PCDH15: variants seen among roughly 807,000 people sequenced by gnomAD.
PCDH15 encodes the protein protocadherin-15.
PCDH15 carries 129 observed loss-of-function variants against 178.5 expected under a neutral mutation model. That is an observed-to-expected ratio of 0.72 (90% CI 0.63 to 0.84). The LOEUF is 0.84. PCDH15 is among the 40% of genes least tolerant of loss of function. The pLI, the probability that PCDH15 is intolerant of heterozygous loss-of-function variation, is 0.00. For missense variants in PCDH15, 2,230 were observed against 2,099.9 expected (o/e 1.06, Z -1.21); for synonymous variants, 800 against 732.0 (o/e 1.09, Z -1.50).
At chr10:54,594,806 G>A (rs2092117890) in intron 2 of PCDH15, among the ~76,000 whole-genome samples, 1 of 152,044 alleles carries the variant, frequency 6.6e-6, no homozygotes, top group Admixed American at 6.6e-5. Context: ...CATTTTTGTT[G>A]GAGCATTGGA....
chr10:54,675,448 C>G (rs1037104428), intron 1 of PCDH15, among the ~76,000 whole-genome samples: 47 of 145,760 alleles, frequency 3.2e-4, no homozygotes, highest in African/African-American at 1.2e-3. Context: ...AATTCTAAGG[C>G]CTTTTCATGT....
At chr10:54,936,096 T>C (rs550029994) in intron 2 of PCDH15, among the ~76,000 whole-genome samples, 6 of 152,084 alleles carry the variant, frequency 3.9e-5, no homozygotes, top group Non-Finnish European at 7.4e-5. Context: ...TGGGTCTCTA[T>C]AGATTTGAAG....
At chr10:54,290,786 G>T (rs1591616135) in intron 8 of PCDH15, among the ~76,000 whole-genome samples, 1 of 152,044 alleles carries the variant, frequency 6.6e-6, no homozygotes, top group South Asian at 2.1e-4. Context: ...ACAAAGATCA[G>T]AAGAGACAAA....
At chr10:54,307,098 G>A (rs2060575328) in intron 8 of PCDH15, among the ~76,000 whole-genome samples, 3 of 13,578 alleles carry the variant, frequency 2.2e-4, no homozygotes, top group African/African-American at 1.1e-3. Context: ...ATATATGTGT[G>A]TGTGTGTATA....
In PCDH15 at chr10:53,822,051, A is replaced by T. The variant is rs2132483165; in HGVS notation, c.4368-1821T>A. The T allele has an allele frequency of 1.9e-6, 3 of 1,614,044 alleles. No homozygotes were observed. The highest frequency in any genetic ancestry group is 2.5e-6 in the Non-Finnish European group (3 of 1,179,938). On this transcript the variant is annotated intron_variant, in intron 32 of 37. Transcript: ENST00000644397. ...GTACATGTTAGCTACTGATTTTTCA[A>T]GTTCTGCTAAGTTTTTAACGTGTCT...
chr10:54,062,249 A>AAAAAAAAAAAAAAAAAAAAAT (rs1565159027), intron 18 of PCDH15, among the ~76,000 whole-genome samples: 1 of 116,372 alleles, frequency 8.6e-6, no homozygotes, highest in African/African-American at 3.8e-5. Flanking sequence ...AAAAAAAAAA[A>AAAAAAAAAAAAAAAAAAAAAT]AAACAAAAAA....
intron 1 of PCDH15, among the ~76,000 whole-genome samples, chr10:55,196,780 C>T (rs1453498277): frequency 1.3e-5 from 2 of 151,702 alleles, no homozygotes; most frequent in African/African-American, 4.8e-5. Flanking sequence ...TTTGTCTTTC[C>T]AAAACACATT....
intron 18 of PCDH15, among the ~76,000 whole-genome samples, chr10:54,036,748 TTATTA>T (rs1293891364): frequency 1.3e-5 from 2 of 151,946 alleles, no homozygotes; most frequent in Non-Finnish European, 1.5e-5. Context: ...GGTTTTCATC[TTATTA>T]TATAAGAAAT....
intron 3 of PCDH15, among the ~76,000 whole-genome samples, chr10:54,413,537 A>G (rs566059180): frequency 1.3e-5 from 2 of 152,306 alleles, no homozygotes; most frequent in Admixed American, 1.3e-4. Flanking sequence ...AAATATGATA[A>G]AAAGTAAGAG....
At chr10:53,943,533 T>C (rs1402850954) in intron 23 of PCDH15, among the ~76,000 whole-genome samples, 1 of 152,010 alleles carries the variant, frequency 6.6e-6, no homozygotes, top group African/African-American at 2.4e-5. Flanking sequence ...AAAAATGCTA[T>C]GTCTTCTTTC....
chr10:55,589,087 A>AAAT (rs1842784700), intron 2 of PCDH15, among the ~76,000 whole-genome samples: 1 of 151,322 alleles, frequency 6.6e-6, no homozygotes, highest in Non-Finnish European at 1.5e-5. Flanking sequence ...GTGTCAAAAA[A>AAAT]AAAAAAAAAA....
At chr10:54,896,441 C>T (rs1222944556) in intron 3 of PCDH15, among the ~76,000 whole-genome samples, 1 of 151,638 alleles carries the variant, frequency 6.6e-6, no homozygotes, top group African/African-American at 2.4e-5. Flanking sequence ...GAAAACATGA[C>T]TGAAATAAGG....
chr10:54,083,331 T>C (rs1590309477), intron 16 of PCDH15, among the ~76,000 whole-genome samples: 1 of 152,186 alleles, frequency 6.6e-6, no homozygotes, highest in Non-Finnish European at 1.5e-5. Flanking sequence ...ACATATATGT[T>C]CACAGCAGCG....
intron 21 of PCDH15, among the ~76,000 whole-genome samples, chr10:53,990,318 T>C (rs967402672): frequency 3.9e-5 from 6 of 151,972 alleles, no homozygotes; most frequent in African/African-American, 4.8e-5. Flanking sequence ...GTTGTAATGA[T>C]TTTCTCTTTA....
Position 53,802,964 on chromosome 10 carries a change from C to G in PCDH15, c.*3615G>C, listed in dbSNP as rs1840958070. Reference sequence around the variant, plus strand: ...AACTATAGACAATGTTCGAATCTTCCATACATGTGCTTAACTGACCATAAA... The same window carrying G: ...AACTATAGACAATGTTCGAATCTTCGATACATGTGCTTAACTGACCATAAA... On this transcript the variant is annotated 3_prime_UTR_variant, in exon 38 of 38. Transcript: ENST00000644397. 1 of 151,674 alleles carries G rather than the reference C, an allele frequency of 6.6e-6. No individual in the cohort carries two copies. The highest frequency in any genetic ancestry group is 2.4e-5 in the African/African-American group (1 of 41,352). 9.4% of individuals were successfully genotyped at this position (151,674 alleles called of 1,614,324 possible).
intron 13 of PCDH15, among the ~76,000 whole-genome samples, chr10:54,180,046 A>G (rs1232783494): frequency 6.6e-6 from 1 of 152,214 alleles, no homozygotes; most frequent in East Asian, 1.9e-4. Flanking sequence ...CATCTGATAA[A>G]ACGGTCTGCA....
intron 2 of PCDH15, among the ~76,000 whole-genome samples, chr10:55,540,330 A>T (rs1216006240): frequency 6.6e-6 from 1 of 152,084 alleles, no homozygotes; most frequent in East Asian, 1.9e-4. Flanking sequence ...TCCACCCCAT[A>T]GATGAAATAT....
At chr10:55,615,136 A>AT (rs1253822075) in intron 2 of PCDH15, among the ~76,000 whole-genome samples, 1 of 152,182 alleles carries the variant, frequency 6.6e-6, no homozygotes, top group African/African-American at 2.4e-5. Context: ...AAAAATACAA[A>AT]TCATAACATG....
intron 2 of PCDH15, among the ~76,000 whole-genome samples, chr10:54,909,195 T>C (rs1037411344): frequency 6.6e-6 from 1 of 152,126 alleles, no homozygotes; most frequent in African/African-American, 2.4e-5. Context: ...CACTCCAGTC[T>C]GCGGGACACA....
Sources: allele counts gnomAD v4.1 joint callset (sites outside exome capture counted in the v4.1 genomes callset), GRCh38; gene constraint gnomAD v4.1.1; transcripts MANE v1.5; gene names NCBI Gene and HGNC (gene_info 2026-07-23, HGNC 2026-07-21).